Variants in AIG1 observed in about 807,000 individuals in gnomAD.
AIG1 encodes the protein androgen-induced gene 1 protein.
In AIG1, 23 loss-of-function variants were observed where a neutral mutation model predicts 31.4. The ratio of observed to expected loss-of-function variants is 0.73; its 90% CI spans 0.53 to 1.04. The LOEUF is 1.04. Among genes scored for constraint, AIG1 ranks in the 50% least tolerant of loss-of-function variants. The pLI is 0.00. For synonymous variants in AIG1, 100 were observed against 110.5 expected (o/e 0.90, Z 0.60); for missense variants, 274 against 295.0 (o/e 0.93, Z 0.52).
chr6:143,308,987 C>G (rs1213130949), intron 4 of AIG1, among the ~76,000 whole-genome samples: 2 of 151,370 alleles, frequency 1.3e-5, no homozygotes, highest in East Asian at 3.9e-4. Context: ...ATACCAAAGC[C>G]AAAGAGAAAA....
intron 4 of AIG1, among the ~76,000 whole-genome samples, chr6:143,314,061 A>G (rs775067953): frequency 1.3e-5 from 2 of 151,820 alleles, no homozygotes; most frequent in Non-Finnish European, 2.9e-5. Flanking sequence ...GAAAGAAAAA[A>G]TACTGGGCTG....
chr6:143,194,027 G>C (rs953210783), intron 3 of AIG1, among the ~76,000 whole-genome samples: 2 of 152,224 alleles, frequency 1.3e-5, no homozygotes, highest in African/African-American at 4.8e-5. Flanking sequence ...AAATGTAGGA[G>C]AGGCTGGAGA....
In AIG1 at chr6:143,324,062, C is replaced by T. The variant is rs77897539; in HGVS notation, c.516-9220C>T. Among the ~76,000 whole-genome samples, 1,079 of 152,320 alleles carry T rather than the reference C, an allele frequency of 7.1e-3. 10 individuals are homozygous for T. The highest frequency in any genetic ancestry group is 0.025 in the African/African-American group (1,030 of 41,568). On this transcript the variant is annotated intron_variant, in intron 4 of 5. Coordinates refer to ENST00000357847, the MANE Select transcript of AIG1 (RefSeq NM_016108.4). ...ACCATGAGAGGCTCACAGAAACCTA[C>T]TGGGTGAGAAGCTGATGCACATCCC...
chr6:143,264,854 A>G (rs1038574504), intron 3 of AIG1, among the ~76,000 whole-genome samples: 1 of 152,114 alleles, frequency 6.6e-6, no homozygotes, highest in Non-Finnish European at 1.5e-5. Context: ...AGGCTTGAGA[A>G]CTCTGAGAAG....
intron 2 of AIG1, among the ~76,000 whole-genome samples, chr6:143,138,679 G>T (rs932767846): frequency 6.6e-6 from 1 of 151,916 alleles, no homozygotes; most frequent in Non-Finnish European, 1.5e-5. Context: ...AGATCATGAG[G>T]CCAGGAGATC....
chr6:143,209,954 G>A (rs992313223), intron 3 of AIG1, among the ~76,000 whole-genome samples: 12 of 152,258 alleles, frequency 7.9e-5, no homozygotes, highest in Admixed American at 2.6e-4. Flanking sequence ...GGAGCAGAGC[G>A]TCAAATACAC....
At chr6:143,130,294 G>A (rs1327299069) in intron 1 of AIG1, among the ~76,000 whole-genome samples, 13 of 152,100 alleles carry the variant, frequency 8.5e-5, no homozygotes, top group Non-Finnish European at 2.9e-5. Context: ...TGAAGTTTGT[G>A]AAGTAGGAAA....
Position 143,219,481 on chromosome 6 carries a change from C to A in AIG1, c.399+54298C>A, listed in dbSNP as rs189946414. Among the ~76,000 whole-genome samples, 386 of 152,136 alleles carry A rather than the reference C, an allele frequency of 2.5e-3. 2 individuals carry two copies. The highest frequency in any genetic ancestry group is 3.9e-3 in the Non-Finnish European group (267 of 67,952). On this transcript the variant is annotated intron_variant, in intron 3 of 5. Transcript: ENST00000357847. ...TGAGCTCCTATCTCTAAAAACAAAA[C>A]AAAACAAAACAAAACAAAACTGGAG...
rs1326220574 is a variant in AIG1, at chr6:143,147,023, C to T, written c.297+10033C>T. Among the ~76,000 whole-genome samples the T allele has an allele frequency of 2.0e-5, 3 of 152,136 alleles. No homozygotes were observed. The East Asian group carries it at 5.8e-4, about 29-fold the overall frequency. On this transcript the variant is annotated intron_variant, in intron 2 of 5. Coordinates refer to ENST00000357847, the MANE Select transcript of AIG1 (RefSeq NM_016108.4). The stretch of plus-strand genomic sequence containing the variant: ...GGAGAGAGAGTGTAGCCCTGCCAGC[C>T]AGCTCACAGTCTCCTAAGCACCCCT...
chr6:143,068,880 CTT>C (rs1274842922), intron 1 of AIG1, among the ~76,000 whole-genome samples: 1 of 152,066 alleles, frequency 6.6e-6, no homozygotes. Flanking sequence ...ACGGATATCA[CTT>C]AGAGATACTG....
intron 3 of AIG1, among the ~76,000 whole-genome samples, chr6:143,271,927 A>C (rs1439981342): frequency 2.6e-5 from 4 of 152,178 alleles, no homozygotes; most frequent in Non-Finnish European, 4.4e-5. Context: ...AAGTTAATGG[A>C]AAAAGAAGAT....
chr6:143,227,566 T>C (rs1793089178), intron 3 of AIG1, among the ~76,000 whole-genome samples: 1 of 152,118 alleles, frequency 6.6e-6, no homozygotes, highest in East Asian at 1.9e-4. Context: ...GCCTAAAATA[T>C]TCCAATAACC....
At chr6:143,070,591 T>G (rs927085563) in intron 1 of AIG1, among the ~76,000 whole-genome samples, 1 of 152,216 alleles carries the variant, frequency 6.6e-6, no homozygotes, top group South Asian at 2.1e-4. Context: ...TGCTGGCATC[T>G]GGTGAGAGCC....
intron 4 of AIG1, among the ~76,000 whole-genome samples, chr6:143,295,622 G>A (rs1468575753): frequency 6.6e-6 from 1 of 151,606 alleles, no homozygotes; most frequent in Non-Finnish European, 1.5e-5. Flanking sequence ...TCGCACCAGT[G>A]TTAGTTTCAA....
At chr6:143,264,980 G>A (rs530962927) in intron 3 of AIG1, among the ~76,000 whole-genome samples, 3 of 152,068 alleles carry the variant, frequency 2.0e-5, no homozygotes, top group Non-Finnish European at 4.4e-5. Flanking sequence ...TCCACCCTTT[G>A]GAAATAAATT....
At chr6:143,111,226 A>G (rs1442765034) in intron 1 of AIG1, among the ~76,000 whole-genome samples, 1 of 152,106 alleles carries the variant, frequency 6.6e-6, no homozygotes, top group Non-Finnish European at 1.5e-5. Context: ...CCAGTGTCTC[A>G]GCTCCAATTC....
At chr6:143,289,062 A>C (rs958862417) in intron 4 of AIG1, among the ~76,000 whole-genome samples, 4 of 152,158 alleles carry the variant, frequency 2.6e-5, no homozygotes, top group Non-Finnish European at 5.9e-5. Flanking sequence ...GGCAGCCTTC[A>C]GAGAGAATGG....
intron 3 of AIG1, among the ~76,000 whole-genome samples, chr6:143,172,976 T>G (rs1787782461): frequency 6.6e-6 from 1 of 152,212 alleles, no homozygotes; most frequent in Admixed American, 6.5e-5. Context: ...TTAATCTCGC[T>G]AATGGTCTAT....
In AIG1 at chr6:143,258,863, C is replaced by T. The variant is rs927265148; in HGVS notation, c.400-25247C>T. On this transcript the variant is annotated intron_variant, in intron 3 of 5. Transcript: ENST00000357847. This position sits in a 1 kb window ranked among gnomAD's most constrained non-coding sequence, Gnocchi z 4.7. ...ACCCTCATGAATAGATGGATGTCCTCGTGCAGGAATGGATTAGTTACCATG... is the reference window on the plus strand; with the variant it reads ...ACCCTCATGAATAGATGGATGTCCTTGTGCAGGAATGGATTAGTTACCATG... 2.0e-5 allele frequency among the ~76,000 whole-genome samples: 3 copies of T among 152,124 alleles called. No homozygotes were observed. The highest frequency in any genetic ancestry group is 2.1e-4 in the South Asian group (1 of 4,826).
Sources: allele counts gnomAD v4.1 joint callset (sites outside exome capture counted in the v4.1 genomes callset), GRCh38; gene constraint gnomAD v4.1.1; non-coding constraint Gnocchi (gnomAD v3.1); transcripts MANE v1.5; gene names NCBI Gene and HGNC (gene_info 2026-07-23, HGNC 2026-07-21).